FBXO16: variants seen among roughly 807,000 people sequenced by gnomAD.
FBXO16 encodes F-box only protein 16.
In FBXO16, 31 loss-of-function variants were observed where a neutral mutation model predicts 41.0. The observed-to-expected ratio is 0.76, with a 90% CI of 0.57 to 1.02. FBXO16 has a LOEUF of 1.02. FBXO16 is among the 50% of genes least tolerant of loss of function. The probability of loss-of-function intolerance (pLI) is 0.00; values close to 1 mark genes in which losing one functional copy is unlikely to be tolerated. For synonymous variants in FBXO16, 133 were observed against 117.8 expected (o/e 1.13, Z -0.84); for missense variants, 361 against 346.2 (o/e 1.04, Z -0.34).
At chr8:28,432,983 C>T (rs776698729) in intron 7 of FBXO16, among the ~76,000 whole-genome samples, 7 of 151,756 alleles carry the variant, frequency 4.6e-5, no homozygotes, top group Non-Finnish European at 8.8e-5. Context: ...ATCACTTGAA[C>T]TTGGGAGGCG....
At chr8:28,428,882 C>T in intron 8 of FBXO16, 146 bp from the exon 9 acceptor site, 1 of 928,930 alleles carries the variant, frequency 1.1e-6, no homozygotes, top group South Asian at 1.9e-5. Flanking sequence ...ACTTCACTCC[C>T]CTCTGCCCCC....
At chr8:28,438,212 A>G (rs1045456221) in intron 7 of FBXO16, among the ~76,000 whole-genome samples, 8 of 152,160 alleles carry the variant, frequency 5.3e-5, no homozygotes, top group Non-Finnish European at 1.2e-4. Context: ...GCTACTTGGG[A>G]GGCTGAGGCA....
intron 7 of FBXO16, among the ~76,000 whole-genome samples, chr8:28,438,106 C>T (rs977365426): frequency 6.6e-6 from 1 of 151,072 alleles, no homozygotes; most frequent in Non-Finnish European, 1.5e-5. Context: ...GCTTGAGACC[C>T]GGAGCTCGAG....
Position 28,447,164 on chromosome 8 carries a change from T to C in FBXO16, c.843+7A>G, listed in dbSNP as rs1486911689. On this transcript the variant is annotated splice_region_variant and intron_variant, in intron 7 of 8. Coordinates refer to ENST00000380254, the MANE Select transcript of FBXO16 (RefSeq NM_172366.4). ...ATGGTGATGAATCTTTCATAAACAA[T>C]ACTTACCATTGATTGTGCTTTTCTT... 2 of 1,607,250 alleles carry C rather than the reference T, an allele frequency of 1.2e-6. No homozygotes were observed. The highest frequency in any genetic ancestry group is 1.7e-6 in the Non-Finnish European group (2 of 1,175,464).
intron 7 of FBXO16, among the ~76,000 whole-genome samples, chr8:28,435,842 T>A (rs1802679699): frequency 6.6e-6 from 1 of 152,204 alleles, no homozygotes; most frequent in Admixed American, 6.5e-5. Flanking sequence ...TTCAACTGTC[T>A]ATAGCTTGGC....
chr8:28,454,494 C>A (rs913554717), intron 5 of FBXO16, among the ~76,000 whole-genome samples: 1 of 151,234 alleles, frequency 6.6e-6, no homozygotes, highest in Non-Finnish European at 1.5e-5. Context: ...TTTGGGAGGC[C>A]GAGGCGGGCG....
Position 28,456,821 on chromosome 8 carries a change from A to T in FBXO16, c.452T>A (p.Ile151Asn), listed in dbSNP as rs1478031766. The T allele has an allele frequency of 6.2e-7, 1 of 1,614,114 alleles. No individual in the cohort carries two copies. The highest frequency in any genetic ancestry group is 2.2e-5 in the East Asian group (1 of 44,888). The change falls in exon 5 of 9, where the codon ATC (isoleucine) becomes AAC (asparagine). Residue 151 changes from isoleucine to asparagine, a missense_variant. Transcript: ENST00000380254. Reference protein sequence around the residue: ...NFSPTPFEQGIWKKHYIQMVK... With the variant: ...NFSPTPFEQGNWKKHYIQMVK... ...CATTTGAATATAGTGCTTCTTCCAG[A>T]TCCCCTGCTCAAAGGGAGTTGGAGA...
chr8:28,447,383 G>T, intron 6 of FBXO16, 110 bp from the exon 7 acceptor site: 1 of 944,274 alleles, frequency 1.1e-6, no homozygotes, highest in African/African-American at 1.7e-5. Context: ...TTAAAAGATT[G>T]TCTCCACTTA....
At chr8:28,465,088 A>G (rs772743405) in intron 3 of FBXO16, 5 of 156,178 alleles carry the variant, frequency 3.2e-5, no homozygotes, top group Non-Finnish European at 7.1e-5. Context: ...ACAGTTGTAC[A>G]ATGTATTTTA....
Position 28,452,386 on chromosome 8 carries a change from G to GA in FBXO16, c.597dup (p.Arg200SerfsTer11). ...TTCTTTCTTAAAGAGGAAGAGGACC[G>GA]AAAAGCTGATAAAGGGGACTGTTTT... On this transcript the variant is annotated frameshift_variant, in exon 6 of 9. Coordinates refer to ENST00000380254, the MANE Select transcript of FBXO16 (RefSeq NM_172366.4). LOFTEE classifies it high-confidence loss of function. 6.2e-7 allele frequency: 1 copy of GA among 1,614,222 alleles called. No individual in the cohort carries two copies. Among genetic ancestry groups the GA allele is most frequent in the Non-Finnish European group, 8.5e-7 (1 of 1,180,038 alleles).
At chr8:28,467,758 A>G (rs2130168418) in intron 3 of FBXO16, among the ~76,000 whole-genome samples, 1 of 152,334 alleles carries the variant, frequency 6.6e-6, no homozygotes, top group South Asian at 2.1e-4. Flanking sequence ...GTATTACACA[A>G]TACTGAAGAA....
At chr8:28,467,584 T>C (rs1427354404) in intron 3 of FBXO16, among the ~76,000 whole-genome samples, 1 of 152,312 alleles carries the variant, frequency 6.6e-6, no homozygotes, top group East Asian at 1.9e-4. Flanking sequence ...GTTAAGTAAC[T>C]ATAAAAAGAT....
chr8:28,477,738 G>A (rs114197536), intron 2 of FBXO16, among the ~76,000 whole-genome samples: 92 of 152,342 alleles, frequency 6.0e-4, no homozygotes, highest in African/African-American at 2.2e-3. Context: ...AGTATTAACA[G>A]TTTGATATAG....
At chr8:28,468,184 C>T (rs978131976) in intron 3 of FBXO16, among the ~76,000 whole-genome samples, 3 of 152,192 alleles carry the variant, frequency 2.0e-5, no homozygotes, top group Non-Finnish European at 4.4e-5. Flanking sequence ...ATTGGGGGAC[C>T]GTCAGGACCA....
chr8:28,462,364 T>C lies in FBXO16; in HGVS notation c.342+1248A>G, dbSNP rs1462101361. 8.6e-5 allele frequency among the ~76,000 whole-genome samples: 13 copies of C among 151,444 alleles called. No homozygotes were observed. The South Asian group carries it at 2.1e-3, about 24-fold the overall frequency. ...CGCATTCTCGGCTTACTGCAAGCTC[T>C]GCCTCCCAGGTTCACGCCATTCTCC... is the stretch of plus-strand genomic sequence containing the variant. On this transcript the variant is annotated intron_variant, in intron 4 of 8. Transcript: ENST00000380254.
chr8:28,479,377 C>T (rs985672722), intron 2 of FBXO16, among the ~76,000 whole-genome samples: 4 of 152,176 alleles, frequency 2.6e-5, no homozygotes, highest in African/African-American at 4.8e-5. Context: ...TGCTAATCTC[C>T]GAATCAGCTT....
At chr8:28,481,142 A>T (rs1314618513) in intron 2 of FBXO16, among the ~76,000 whole-genome samples, 2 of 152,168 alleles carry the variant, frequency 1.3e-5, no homozygotes, top group Non-Finnish European at 2.9e-5. Context: ...ATCATGAAAG[A>T]TCCTCAACGC....
At chr8:28,436,947 C>T (rs6558060) in intron 7 of FBXO16, among the ~76,000 whole-genome samples, 8,819 of 151,940 alleles carry the variant, frequency 0.058, 569 homozygotes, top group East Asian at 0.21. Flanking sequence ...ATTGGTGGGG[C>T]CTCATTATGT....
At chr8:28,479,662 G>A (rs1803480464) in intron 2 of FBXO16, among the ~76,000 whole-genome samples, 3 of 152,098 alleles carry the variant, frequency 2.0e-5, no homozygotes, top group South Asian at 2.1e-4. Flanking sequence ...GGAGAGCTTC[G>A]AGCATTGCAA....
Sources: allele counts gnomAD v4.1 joint callset (sites outside exome capture counted in the v4.1 genomes callset), GRCh38; gene constraint gnomAD v4.1.1; transcripts MANE v1.5; gene names NCBI Gene and HGNC (gene_info 2026-07-23, HGNC 2026-07-21).